CDKAL1: variants seen among roughly 807,000 people sequenced by gnomAD.
CDKAL1 encodes the protein threonylcarbamoyladenosine tRNA methylthiotransferase.
A neutral mutation model predicts 68.2 loss-of-function variants in CDKAL1; 32 were observed. That is an observed-to-expected ratio of 0.47 (90% confidence interval 0.35 to 0.63). The LOEUF (loss-of-function observed/expected upper bound fraction) is 0.63. CDKAL1 is among the 30% of genes least tolerant of loss of function. The pLI is 0.00. For synonymous variants in CDKAL1, 234 were observed against 244.3 expected, an observed-to-expected ratio of 0.96 and a Z score of 0.39; for missense variants, 606 against 696.7, an observed-to-expected ratio of 0.87 and a Z score of 1.47.
chr6:20,782,878 C>G (rs1244151408), intron 8 of CDKAL1, among the ~76,000 whole-genome samples: 1 of 152,110 alleles, frequency 6.6e-6, no homozygotes, highest in East Asian at 1.9e-4. Context: ...GCAAATTGGA[C>G]AATAATATTT....
At chr6:20,842,695 G>T (rs1402327307) in intron 8 of CDKAL1, among the ~76,000 whole-genome samples, 1 of 152,168 alleles carries the variant, frequency 6.6e-6, no homozygotes, top group Non-Finnish European at 1.5e-5. Context: ...GCCAGGCGTA[G>T]TGGCAGGTAC....
At chr6:20,678,959 A>G (rs899702927) in intron 5 of CDKAL1, among the ~76,000 whole-genome samples, 1 of 152,134 alleles carries the variant, frequency 6.6e-6, no homozygotes, top group Admixed American at 6.6e-5. Flanking sequence ...GTGCAGTGTC[A>G]TGAGGCATGG....
chr6:21,115,827 A>G (rs1341572480), intron 13 of CDKAL1, among the ~76,000 whole-genome samples: 4 of 152,220 alleles, frequency 2.6e-5, no homozygotes, highest in Non-Finnish European at 5.9e-5. Context: ...TGAAATAAGG[A>G]CATACTGAAG....
chr6:20,712,140 A>T (rs1562044909), intron 5 of CDKAL1, among the ~76,000 whole-genome samples: 1 of 152,190 alleles, frequency 6.6e-6, no homozygotes, highest in Admixed American at 6.5e-5. Flanking sequence ...TTGGCAAACA[A>T]AAGTGATGAG....
At chr6:21,000,725 G>C (rs1767384617) in intron 11 of CDKAL1, among the ~76,000 whole-genome samples, 1 of 152,106 alleles carries the variant, frequency 6.6e-6, no homozygotes, top group Non-Finnish European at 1.5e-5. Context: ...GTTATGAGCT[G>C]GTTTTGACAT....
At chr6:21,161,752 A>C (rs954399092) in intron 13 of CDKAL1, among the ~76,000 whole-genome samples, 1 of 152,224 alleles carries the variant, frequency 6.6e-6, no homozygotes, top group Non-Finnish European at 1.5e-5. Context: ...GCTTGGAGTA[A>C]TTAAGCAGAC....
chr6:20,771,333 A>C (rs1774932158), intron 7 of CDKAL1, among the ~76,000 whole-genome samples: 4 of 152,222 alleles, frequency 2.6e-5, no homozygotes, highest in African/African-American at 9.6e-5. Context: ...AATTTGAAGC[A>C]AAGTGAGCTC....
chr6:21,227,891 A>G (rs1779810521), intron 15 of CDKAL1, among the ~76,000 whole-genome samples: 1 of 152,250 alleles, frequency 6.6e-6, no homozygotes, highest in African/African-American at 2.4e-5. Flanking sequence ...TGTCATCAGA[A>G]GTCAAAGAGT....
rs1011147352 is a variant in CDKAL1 at position 20,536,343 on chromosome 6, T to C, written c.-6+949T>C. On this transcript the variant is annotated intron_variant, in intron 2 of 15. Coordinates refer to ENST00000274695, the MANE Select transcript of CDKAL1 (RefSeq NM_017774.3). ...CTAACATCATAAAGATTTGTGCTTATGTTTTTTTCTAAGAGTTTCATAATG... is the reference window on the plus strand; with the variant it reads ...CTAACATCATAAAGATTTGTGCTTACGTTTTTTTCTAAGAGTTTCATAATG... 7.9e-5 allele frequency among the ~76,000 whole-genome samples: 12 copies of C among 152,288 alleles called. 1 individual carries two copies. The highest frequency in any genetic ancestry group is 3.9e-4 in the Admixed American group (6 of 15,296).
chr6:21,206,331 A>G (rs1436764204), intron 15 of CDKAL1, among the ~76,000 whole-genome samples: 2 of 152,230 alleles, frequency 1.3e-5, no homozygotes, highest in Admixed American at 1.3e-4. Context: ...CTGTGGGTTC[A>G]GTTAAAAATG....
At chr6:20,556,459 A>G (rs1431011252) in intron 4 of CDKAL1, among the ~76,000 whole-genome samples, 1 of 152,182 alleles carries the variant, frequency 6.6e-6, no homozygotes, top group Non-Finnish European at 1.5e-5. Context: ...ATAAGTATAA[A>G]GTAATTGATC....
At chr6:20,646,509 T>C (rs1044766246) in intron 4 of CDKAL1, among the ~76,000 whole-genome samples, 5 of 152,094 alleles carry the variant, frequency 3.3e-5, no homozygotes, top group African/African-American at 1.2e-4. Flanking sequence ...ATGTGGTCCA[T>C]CGTTGACTGA....
chr6:21,073,501 C>T (rs776395947), intron 12 of CDKAL1, among the ~76,000 whole-genome samples: 2 of 152,182 alleles, frequency 1.3e-5, no homozygotes, highest in Non-Finnish European at 2.9e-5. Context: ...AACATCCTTG[C>T]CAACATTTGG....
At chr6:20,665,281 A>G (rs561954324) in intron 5 of CDKAL1, among the ~76,000 whole-genome samples, 36 of 152,322 alleles carry the variant, frequency 2.4e-4, no homozygotes, top group African/African-American at 8.4e-4. Flanking sequence ...ATGCACACAC[A>G]TAATTAACAA....
chr6:21,157,702 C>T (rs1776712975), intron 13 of CDKAL1, among the ~76,000 whole-genome samples: 1 of 152,226 alleles, frequency 6.6e-6, no homozygotes, highest in Admixed American at 6.5e-5. Flanking sequence ...CTACCAGTCA[C>T]CTAACCTGGC....
At chr6:20,987,498 G>A (rs1164627136) in intron 10 of CDKAL1, among the ~76,000 whole-genome samples, 2 of 151,934 alleles carry the variant, frequency 1.3e-5, no homozygotes, top group Admixed American at 6.6e-5. Flanking sequence ...CAAGTGATCC[G>A]CCCACCTCAG....
chr6:20,630,682 T>C (rs879698391), intron 4 of CDKAL1, among the ~76,000 whole-genome samples: 1 of 152,198 alleles, frequency 6.6e-6, no homozygotes. Flanking sequence ...AGACATCCCA[T>C]ATCACAGTAC....
At chr6:20,892,706 C>T (rs895118729) in intron 9 of CDKAL1, among the ~76,000 whole-genome samples, 1 of 152,158 alleles carries the variant, frequency 6.6e-6, no homozygotes, top group South Asian at 2.1e-4. Context: ...AAAATTGATT[C>T]TAAGGAGTTT....
intron 12 of CDKAL1, among the ~76,000 whole-genome samples, chr6:21,072,157 T>C (rs909358277): frequency 6.6e-6 from 1 of 152,196 alleles, no homozygotes; most frequent in Non-Finnish European, 1.5e-5. Context: ...TTTTTGTATC[T>C]CACGCTCATG....
Sources: gnomAD v4.1 joint callset for allele counts (sites outside exome capture counted in the v4.1 genomes callset) on GRCh38, gnomAD v4.1.1 for gene constraint, MANE v1.5 for transcripts, NCBI Gene and HGNC (gene_info 2026-07-23, HGNC 2026-07-21) for gene names.